MAPK14: variants seen among roughly 807,000 people sequenced by gnomAD.
MAPK14 encodes the protein CSAID-binding protein.
A neutral mutation model predicts 49.6 loss-of-function variants in MAPK14; 16 were observed. That is an observed-to-expected ratio of 0.32 (90% CI 0.22 to 0.49). The LOEUF is 0.49. Among genes scored for constraint, MAPK14 ranks in the 20% least tolerant of loss-of-function variants. MAPK14 has a pLI of 0.99. For missense variants in MAPK14, 200 were observed against 441.2 expected, an observed-to-expected ratio of 0.45 and a Z score of 4.90; for synonymous variants, 142 against 158.0, an observed-to-expected ratio of 0.90 and a Z score of 0.76.
At chr6:36,060,934 T>C (rs1763796118) in intron 3 of MAPK14, among the ~76,000 whole-genome samples, 1 of 152,074 alleles carries the variant, frequency 6.6e-6, no homozygotes, top group Non-Finnish European at 1.5e-5. Context: ...AGGAAAAAAA[T>C]AGCCAATAAC....
At chr6:36,100,064 A>C in intron 9 of MAPK14, 3 of 661,370 alleles carry the variant, frequency 4.5e-6, no homozygotes, top group East Asian at 2.7e-5. Flanking sequence ...GCTCTCGGGT[A>C]GGGGGAATGG....
the MAPK14 span, among the ~76,000 whole-genome samples, chr6:36,124,103 T>TC: frequency 1.3e-5 from 1 of 74,994 alleles, no homozygotes; most frequent in South Asian, 8.1e-4. Context: ...TTGTCTCTCT[T>TC]TCTCTCTCTC....
intron 9 of MAPK14, chr6:36,100,149 C>T: frequency 7.3e-7 from 1 of 1,378,102 alleles, no homozygotes; most frequent in South Asian, 1.2e-5. Context: ...TTATTTTTTG[C>T]ACTGTATGTT....
rs1765596817 is a variant in MAPK14 at position 36,100,507 on chromosome 6, A to C, written c.763-2064A>C. 7.2e-5 allele frequency among the ~76,000 whole-genome samples: 11 copies of C among 152,288 alleles called. No homozygotes were observed. In the South Asian group the frequency reaches 2.3e-3, roughly 32 times the overall value. On this transcript the variant is annotated intron_variant, in intron 9 of 11. Transcript: ENST00000229794. ...TGTTATTTTTATATTTGGTTGTGTG[A>C]ATTTAGTGCTTGTGAGGCGGTTTCT...
chr6:36,101,692 T>C (rs769179336), intron 9 of MAPK14, among the ~76,000 whole-genome samples: 1 of 151,944 alleles, frequency 6.6e-6, no homozygotes, highest in Non-Finnish European at 1.5e-5. Context: ...TTTTTGTATT[T>C]TTGGAGACAA....
chr6:36,115,330 G>T (rs1233967700), downstream of MAPK14, among the ~76,000 whole-genome samples: 2 of 152,142 alleles, frequency 1.3e-5, no homozygotes, highest in East Asian at 3.9e-4. Context: ...AAAAACCAGT[G>T]GTTCTAAACT....
At chr6:36,071,194 A>G (rs533475954) in intron 3 of MAPK14, among the ~76,000 whole-genome samples, 2 of 151,946 alleles carry the variant, frequency 1.3e-5, no homozygotes, top group Non-Finnish European at 2.9e-5. Context: ...TTAGCCAGGC[A>G]TGGTGGCGAG....
In MAPK14 at chr6:36,083,303, A is replaced by G. The variant is rs796241636; in HGVS notation, c.682+6695A>G. ...GGTGAGTGATTGTTCTACCCTGTCC[A>G]GGAAATCATGCTTTTTCCAAGGATC... is the stretch of plus-strand genomic sequence containing the variant. On this transcript the variant is annotated intron_variant, in intron 8 of 11. Coordinates refer to ENST00000229794, the MANE Select transcript of MAPK14 (RefSeq NM_139012.3). 5.9e-5 allele frequency among the ~76,000 whole-genome samples: 9 copies of G among 152,344 alleles called. 1 individual carries two copies. Among genetic ancestry groups the G allele is most frequent in the African/African-American group, 2.2e-4 (9 of 41,586 alleles).
At chr6:36,121,722 C>A in the MAPK14 span, among the ~76,000 whole-genome samples, 113 of 152,264 alleles carry the variant, frequency 7.4e-4, 1 homozygote, top group African/African-American at 2.6e-3. Context: ...TTATTTCTTA[C>A]AAAAGATTGG....
intron 9 of MAPK14, among the ~76,000 whole-genome samples, chr6:36,099,982 A>G (rs1037474420): frequency 1.3e-5 from 2 of 152,224 alleles, no homozygotes; most frequent in African/African-American, 4.8e-5. Flanking sequence ...TCTTATCTGC[A>G]TGGCCAGTCA....
chr6:36,090,529 T>C lies in MAPK14; in HGVS notation c.683-5458T>C, dbSNP rs531152202. Among the ~76,000 whole-genome samples, 129 of 145,290 alleles carry C rather than the reference T, an allele frequency of 8.9e-4. 1 individual carries two copies. The highest frequency in any genetic ancestry group is 2.5e-3 in the African/African-American group (99 of 39,702). ...TGCCAAATATTCTCCCTCTCTCTCTTTTTTTTTTTTTTTGGAGACAGAGTC... is the reference window on the plus strand; with the variant it reads ...TGCCAAATATTCTCCCTCTCTCTCTCTTTTTTTTTTTTTGGAGACAGAGTC... On this transcript the variant is annotated intron_variant, in intron 8 of 11. Coordinates refer to ENST00000229794, the MANE Select transcript of MAPK14 (RefSeq NM_139012.3).
At chr6:36,044,848 G>A (rs1427051334) in intron 1 of MAPK14, among the ~76,000 whole-genome samples, 1 of 151,866 alleles carries the variant, frequency 6.6e-6, no homozygotes, top group African/African-American at 2.4e-5. Context: ...GTCTGTCAGA[G>A]AGGCCAGGTA....
chr6:36,104,170 A>G (rs1365914484), intron 10 of MAPK14, among the ~76,000 whole-genome samples: 1 of 152,182 alleles, frequency 6.6e-6, no homozygotes, highest in Non-Finnish European at 1.5e-5. Flanking sequence ...AGTATGTCAT[A>G]TCTCAGCTGG....
chr6:36,053,959 A>G (rs1436777494), intron 2 of MAPK14, among the ~76,000 whole-genome samples: 1 of 133,818 alleles, frequency 7.5e-6, no homozygotes, highest in African/African-American at 3.0e-5. Flanking sequence ...GACAACTTCT[A>G]TTCCTGAGTA....
At chr6:36,031,437 A>G (rs1218935277) in intron 1 of MAPK14, among the ~76,000 whole-genome samples, 1 of 152,118 alleles carries the variant, frequency 6.6e-6, no homozygotes, top group African/African-American at 2.4e-5. Flanking sequence ...ACAGAGTCTC[A>G]TTCTGTTGTC....
At position 36,028,550 on chromosome 6, in the gene MAPK14, C is replaced by G. The variant is rs375210806; in HGVS notation, c.116+277C>G. Among the ~76,000 whole-genome samples, 12 of 152,344 alleles carry G rather than the reference C, an allele frequency of 7.9e-5. No homozygotes were observed. Among genetic ancestry groups the G allele is most frequent in the African/African-American group, 2.2e-4 (9 of 41,588 alleles). On this transcript the variant is annotated intron_variant, in intron 1 of 11. Coordinates refer to ENST00000229794, the MANE Select transcript of MAPK14 (RefSeq NM_139012.3). This position sits in a 1 kb window ranked among gnomAD's most constrained non-coding sequence, Gnocchi z 5.1. ...TCTGGCTAGCACCCTGCGCCTTCCC[C>G]TCTCGGAGGGTTGCTGCTCGGCAAC...
At chr6:36,073,610 T>A in intron 4 of MAPK14, 81 bp from the exon 5 acceptor site, 1 of 1,098,334 alleles carries the variant, frequency 9.1e-7, no homozygotes, top group Non-Finnish European at 1.4e-6. Flanking sequence ...TCTTACTGAT[T>A]CATGAAAATG....
chr6:36,105,467 C>T (rs1471173754), intron 10 of MAPK14, among the ~76,000 whole-genome samples: 2 of 152,082 alleles, frequency 1.3e-5, no homozygotes, highest in Admixed American at 6.5e-5. Flanking sequence ...AGAACATGGT[C>T]CTTTTTACCC....
intron 8 of MAPK14, among the ~76,000 whole-genome samples, chr6:36,081,734 A>T (rs1764768793): frequency 6.6e-6 from 1 of 151,992 alleles, no homozygotes; most frequent in Non-Finnish European, 1.5e-5. Context: ...GTCCCTTGTA[A>T]TTTCATATGA....
Sources: gnomAD v4.1 joint callset for allele counts (sites outside exome capture counted in the v4.1 genomes callset) on GRCh38, gnomAD v4.1.1 for gene constraint, Gnocchi (gnomAD v3.1) non-coding constraint, MANE v1.5 for transcripts, NCBI Gene and HGNC (gene_info 2026-07-23, HGNC 2026-07-21) for gene names.